CWC27: variants seen among roughly 807,000 people sequenced by gnomAD.
The protein encoded by CWC27 is CWC27 spliceosome associated cyclophilin.
CWC27 carries 47 observed loss-of-function variants against 63.6 expected under a neutral mutation model. The observed-to-expected ratio is 0.74, with a 90% CI of 0.58 to 0.94. The LOEUF is 0.94. CWC27 is among the 40% of genes least tolerant of loss of function. CWC27 has a pLI of 0.00. For synonymous variants in CWC27, 175 were observed against 179.8 expected (o/e 0.97, Z 0.22); for missense variants, 495 against 554.3 (o/e 0.89, Z 1.07).
At chr5:65,013,862 T>C (rs1261837460) in intron 13 of CWC27, among the ~76,000 whole-genome samples, 1 of 152,176 alleles carries the variant, frequency 6.6e-6, no homozygotes, top group Non-Finnish European at 1.5e-5. Flanking sequence ...GTAATTTAAA[T>C]TCATTTAAAT....
chr5:64,772,392 A>C (rs1250747879), intron 1 of CWC27, among the ~76,000 whole-genome samples: 1 of 144,390 alleles, frequency 6.9e-6, no homozygotes, highest in African/African-American at 2.6e-5. Context: ...TTGGGAGACT[A>C]TGGCAGATTG....
At chr5:65,013,048 T>A (rs1261935543) in intron 13 of CWC27, among the ~76,000 whole-genome samples, 2 of 152,128 alleles carry the variant, frequency 1.3e-5, no homozygotes, top group Admixed American at 1.3e-4. Context: ...TGAGAAACAT[T>A]GCTTTAAACA....
chr5:64,954,938 T>C (rs34280917), intron 11 of CWC27, among the ~76,000 whole-genome samples: 19,926 of 152,064 alleles, frequency 0.13, 1,713 homozygotes, highest in Admixed American at 0.27. Context: ...CATCCAAATT[T>C]ATAGAAAATA....
At chr5:64,840,697 T>A (rs954296703) in intron 10 of CWC27, among the ~76,000 whole-genome samples, 2 of 152,002 alleles carry the variant, frequency 1.3e-5, no homozygotes, top group Non-Finnish European at 2.9e-5. Context: ...ACTGAAGAAT[T>A]TTCAGCATGG....
intron 10 of CWC27, among the ~76,000 whole-genome samples, chr5:64,883,523 T>C (rs1054925798): frequency 1.3e-5 from 2 of 151,898 alleles, no homozygotes; most frequent in African/African-American, 2.4e-5. Context: ...AGGAGAAGAA[T>C]TGGAGATTCA....
chr5:64,995,215 G>T (rs780287469), intron 13 of CWC27, among the ~76,000 whole-genome samples: 2 of 151,922 alleles, frequency 1.3e-5, no homozygotes, highest in Non-Finnish European at 2.9e-5. Context: ...CGAGCGATCC[G>T]CCCACGTCAG....
chr5:64,824,567 A>G (rs1004179386), intron 10 of CWC27, among the ~76,000 whole-genome samples: 1 of 152,006 alleles, frequency 6.6e-6, no homozygotes, highest in Non-Finnish European at 1.5e-5. Flanking sequence ...ATGGGCTGAA[A>G]TCTAGCTGGG....
chr5:64,867,472 C>G (rs561530743), intron 10 of CWC27, among the ~76,000 whole-genome samples: 3 of 152,164 alleles, frequency 2.0e-5, no homozygotes, highest in African/African-American at 7.2e-5. Flanking sequence ...GCCGTCAGTG[C>G]TTCTTTGTTA....
chr5:64,878,470 T>TAAAAAAAAAAAAAAAAAAAAAA lies in CWC27; in HGVS notation c.939-6964_939-6943dup, dbSNP rs397998002. Among the ~76,000 whole-genome samples, 29 of 26,934 alleles carry TAAAAAAAAAAAAAAAAAAAAAA rather than the reference T, an allele frequency of 1.1e-3. 6 individuals are homozygous for TAAAAAAAAAAAAAAAAAAAAAA. Among genetic ancestry groups the TAAAAAAAAAAAAAAAAAAAAAA allele is most frequent in the Non-Finnish European group, 1.6e-3 (22 of 14,108 alleles). 17.7% of individuals were successfully genotyped at this position (26,934 alleles called of 152,430 possible). A position where few individuals can be genotyped will look rare whatever the true frequency, so the allele number is the denominator to read the frequency against. On this transcript the variant is annotated intron_variant, in intron 10 of 13. Coordinates refer to ENST00000381070, the MANE Select transcript of CWC27 (RefSeq NM_005869.4). Reference sequence around the variant, plus strand: ...GTCAGCACTGTCCTGGGTTACAGATTAAAAAAAAAAAAAAAAAAAAAAAAA... The same window carrying TAAAAAAAAAAAAAAAAAAAAAA: ...GTCAGCACTGTCCTGGGTTACAGATTAAAAAAAAAAAAAAAAAAAAAAAAAAAAAAAAAAAAAAAAAAAAAAA...
chr5:64,957,193 G>A (rs957930878), intron 11 of CWC27, among the ~76,000 whole-genome samples: 5 of 152,138 alleles, frequency 3.3e-5, no homozygotes, highest in Non-Finnish European at 5.9e-5. Flanking sequence ...CAGATATTCT[G>A]CAATGCTTAA....
chr5:64,944,281 T>C (rs761656267), intron 11 of CWC27, among the ~76,000 whole-genome samples: 3 of 152,094 alleles, frequency 2.0e-5, no homozygotes, highest in Admixed American at 1.3e-4. Flanking sequence ...GAAATATACA[T>C]GCTTGTCATC....
intron 13 of CWC27, among the ~76,000 whole-genome samples, chr5:64,993,724 G>A (rs1749582743): frequency 6.6e-6 from 1 of 151,934 alleles, no homozygotes; most frequent in South Asian, 2.1e-4. Context: ...GCATTCATAA[G>A]TTATTTATTT....
At chr5:65,012,841 T>C (rs373867003) in intron 13 of CWC27, among the ~76,000 whole-genome samples, 1 of 152,242 alleles carries the variant, frequency 6.6e-6, no homozygotes. Context: ...TTAAGCTTTA[T>C]TTCTGTGCCC....
At chr5:64,807,805 G>T in intron 10 of CWC27, 1 of 1,534,982 alleles carries the variant, frequency 6.5e-7, no homozygotes, top group East Asian at 2.4e-5. Flanking sequence ...TTTATGAAAT[G>T]AGAGTAAATT....
chr5:64,968,673 G>A (rs1749067386), intron 11 of CWC27, among the ~76,000 whole-genome samples: 1 of 152,144 alleles, frequency 6.6e-6, no homozygotes, highest in Non-Finnish European at 1.5e-5. Context: ...GATCGCTGAT[G>A]CCTCATTGCC....
At chr5:64,848,683 A>T (rs1229579121) in intron 10 of CWC27, among the ~76,000 whole-genome samples, 2 of 152,236 alleles carry the variant, frequency 1.3e-5, no homozygotes, top group African/African-American at 2.4e-5. Flanking sequence ...AAGACTCAAC[A>T]TACACAAATC....
chr5:64,956,762 T>G (rs1748810233), intron 11 of CWC27, among the ~76,000 whole-genome samples: 1 of 152,170 alleles, frequency 6.6e-6, no homozygotes, highest in African/African-American at 2.4e-5. Flanking sequence ...CTTTGAAGTC[T>G]GACAGCCTTG....
At chr5:64,888,532 C>CATT (rs35683515) in intron 11 of CWC27, among the ~76,000 whole-genome samples, 53,259 of 146,460 alleles carry the variant, frequency 0.36, 10,195 homozygotes, top group East Asian at 0.52. Context: ...ATTATTATAA[C>CATT]ATACATGTCA....
chr5:64,965,584 T>G (rs955354635), intron 11 of CWC27, among the ~76,000 whole-genome samples: 1 of 152,094 alleles, frequency 6.6e-6, no homozygotes, highest in Non-Finnish European at 1.5e-5. Flanking sequence ...GAAACAAGAG[T>G]TACCTTACTT....
Sources: allele counts gnomAD v4.1 joint callset (sites outside exome capture counted in the v4.1 genomes callset), GRCh38; gene constraint gnomAD v4.1.1; transcripts MANE v1.5; gene names NCBI Gene and HGNC (gene_info 2026-07-23, HGNC 2026-07-21).